EPB41L4A: variants seen among roughly 807,000 people sequenced by gnomAD.
EPB41L4A encodes the protein erythrocyte membrane protein band 4.1 like 4A, also known as band 4.1-like protein 4A.
In EPB41L4A, 100 loss-of-function variants were observed where a neutral mutation model predicts 108.6. That is an observed-to-expected ratio of 0.92 (90% confidence interval 0.78 to 1.09). The LOEUF is 1.09. EPB41L4A is among the 50% of genes least tolerant of loss of function. The pLI, the probability that EPB41L4A is intolerant of heterozygous loss-of-function variation, is 0.00. For missense variants in EPB41L4A, 1,030 were observed against 842.7 expected (o/e 1.22, Z -2.75); for synonymous variants, 319 against 289.0 (o/e 1.10, Z -1.05).
At chr5:112,336,484 T>C (rs1057165462) in intron 1 of EPB41L4A, among the ~76,000 whole-genome samples, 1 of 152,024 alleles carries the variant, frequency 6.6e-6, no homozygotes, top group African/African-American at 2.4e-5. Flanking sequence ...GGCTTCAAAG[T>C]GGGGTGATTC....
At chr5:112,377,208 T>C (rs533859139) in intron 1 of EPB41L4A, among the ~76,000 whole-genome samples, 2 of 144,880 alleles carry the variant, frequency 1.4e-5, no homozygotes, top group South Asian at 4.6e-4. Context: ...CTGTTGTCTG[T>C]TTGTTTGAAA....
Position 112,234,706 on chromosome 5 carries a change from G to A in EPB41L4A, c.1015C>T (p.Arg339Trp), listed in dbSNP as rs760586743. ...MSRDLSIQLP[R>W]PDQNVTRSRS... ...CTTCTTGTCACATTCTGATCAGGCC[G>A]GGGAAGCTGAATAGAAAGATCTCGG... Residue 339 changes from arginine to tryptophan, a missense_variant, in exon 12 of 23, where the codon CGG becomes TGG. By Grantham distance (101) the Arg-to-Trp change is moderately radical (BLOSUM62 -3). Coordinates refer to ENST00000261486, the MANE Select transcript of EPB41L4A (RefSeq NM_022140.5). The A allele has an allele frequency of 4.0e-5, 64 of 1,612,882 alleles. No homozygotes were observed. Among genetic ancestry groups the A allele is most frequent in the Non-Finnish European group, 4.6e-5 (54 of 1,179,264 alleles).
Position 112,163,145 on chromosome 5 carries a change from A to G in EPB41L4A, c.*1845T>C, listed in dbSNP as rs1760018002. The G allele has an allele frequency of 6.6e-6, 1 of 152,244 alleles. No homozygotes were observed. The highest frequency in any genetic ancestry group is 1.5e-5 in the Non-Finnish European group (1 of 68,056). 9.4% of individuals were successfully genotyped at this position (152,244 alleles called of 1,614,324 possible). The stretch of plus-strand genomic sequence containing the variant: ...AACTAGGTTGCTTATTGTTGTCTAG[A>G]CAAGAGACCAGCTTGGACTAGTAAA... On this transcript the variant is annotated 3_prime_UTR_variant, in exon 23 of 23. Coordinates refer to ENST00000261486, the MANE Select transcript of EPB41L4A (RefSeq NM_022140.5).
At chr5:112,296,255 T>G (rs1304276543) in intron 2 of EPB41L4A, among the ~76,000 whole-genome samples, 1 of 152,178 alleles carries the variant, frequency 6.6e-6, no homozygotes, top group Non-Finnish European at 1.5e-5. Context: ...TCCCTTCTAT[T>G]TTTTATTTAA....
At chr5:112,301,099 G>A (rs1016982034) in intron 2 of EPB41L4A, among the ~76,000 whole-genome samples, 1 of 150,892 alleles carries the variant, frequency 6.6e-6, no homozygotes, top group Non-Finnish European at 1.5e-5. Flanking sequence ...CCTTTCTCTG[G>A]TGCCTCCTTA....
chr5:112,333,061 T>G (rs1428213216), intron 1 of EPB41L4A, among the ~76,000 whole-genome samples: 2 of 152,176 alleles, frequency 1.3e-5, no homozygotes, highest in African/African-American at 4.8e-5. Flanking sequence ...CTCTAAAAAA[T>G]GTGAAGATAC....
chr5:112,286,065 A>G (rs760270265), intron 2 of EPB41L4A, among the ~76,000 whole-genome samples: 10 of 152,112 alleles, frequency 6.6e-5, no homozygotes, highest in Non-Finnish European at 1.5e-4. Context: ...CTTACTCTCA[A>G]CTAATACTCT....
At chr5:112,166,340 T>C (rs1014394759) in intron 22 of EPB41L4A, among the ~76,000 whole-genome samples, 19 of 152,218 alleles carry the variant, frequency 1.2e-4, no homozygotes, top group Non-Finnish European at 2.8e-4. Flanking sequence ...GGCTTCCTTT[T>C]AGCACTTGGA....
At chr5:112,295,716 T>C (rs1264876858) in intron 2 of EPB41L4A, among the ~76,000 whole-genome samples, 4 of 152,244 alleles carry the variant, frequency 2.6e-5, no homozygotes, top group Non-Finnish European at 5.9e-5. Flanking sequence ...TTTATACATA[T>C]TTCTGGCAAG....
At chr5:112,395,661 A>C (rs533813736) in intron 1 of EPB41L4A, among the ~76,000 whole-genome samples, 1 of 152,360 alleles carries the variant, frequency 6.6e-6, no homozygotes, top group African/African-American at 2.4e-5. Context: ...AATGTAAACT[A>C]GTTCAACCAT....
chr5:112,349,414 T>C (rs1048647074), intron 1 of EPB41L4A, among the ~76,000 whole-genome samples: 6 of 152,060 alleles, frequency 3.9e-5, no homozygotes, highest in Non-Finnish European at 7.4e-5. Flanking sequence ...TGCAAAGAGT[T>C]TGTGCAGCAT....
intron 1 of EPB41L4A, among the ~76,000 whole-genome samples, chr5:112,404,251 T>A (rs1175535722): frequency 6.6e-6 from 1 of 152,238 alleles, no homozygotes; most frequent in East Asian, 1.9e-4. Flanking sequence ...CATGTTATCA[T>A]GTGCTAGGCA....
chr5:112,184,810 G>T (rs1236737743), intron 17 of EPB41L4A, among the ~76,000 whole-genome samples: 1 of 152,138 alleles, frequency 6.6e-6, no homozygotes, highest in Non-Finnish European at 1.5e-5. Context: ...TGACATGTAA[G>T]ATCACAAGAC....
intron 1 of EPB41L4A, among the ~76,000 whole-genome samples, chr5:112,359,164 G>C (rs531958036): frequency 6.6e-6 from 1 of 152,092 alleles, no homozygotes; most frequent in Middle Eastern, 3.2e-3. Context: ...TTTAAGATTT[G>C]TATACTTTAT....
At chr5:112,413,510 G>A (rs1409295200) in intron 1 of EPB41L4A, among the ~76,000 whole-genome samples, 1 of 152,198 alleles carries the variant, frequency 6.6e-6, no homozygotes, top group Non-Finnish European at 1.5e-5. Flanking sequence ...ACCACATGAA[G>A]TATACAGCTC....
intron 17 of EPB41L4A, among the ~76,000 whole-genome samples, chr5:112,185,038 T>G (rs1183629647): frequency 6.6e-6 from 1 of 151,656 alleles, no homozygotes; most frequent in Non-Finnish European, 1.5e-5. Context: ...AGAGAAGAAG[T>G]ACTTAATTTA....
chr5:112,253,901 T>C (rs1330009284), intron 9 of EPB41L4A, among the ~76,000 whole-genome samples: 1 of 152,214 alleles, frequency 6.6e-6, no homozygotes, highest in East Asian at 1.9e-4. Flanking sequence ...AAAGGAACCC[T>C]TGGCTTAACG....
intron 1 of EPB41L4A, among the ~76,000 whole-genome samples, chr5:112,354,058 C>T (rs1447258187): frequency 1.3e-5 from 2 of 152,150 alleles, no homozygotes; most frequent in Non-Finnish European, 2.9e-5. Context: ...GAGTTCAAAA[C>T]CTAGACTTGA....
intron 1 of EPB41L4A, among the ~76,000 whole-genome samples, chr5:112,314,034 G>A (rs186344058): frequency 1.3e-5 from 2 of 151,604 alleles, no homozygotes; most frequent in Admixed American, 6.6e-5. Context: ...CGGCTAATTT[G>A]TATTTTTAGT....
Sources: gnomAD v4.1 joint callset for allele counts (sites outside exome capture counted in the v4.1 genomes callset) on GRCh38, gnomAD v4.1.1 for gene constraint, MANE v1.5 for transcripts, NCBI Gene and HGNC (gene_info 2026-07-23, HGNC 2026-07-21) for gene names.